The following KSR2 variants were observed in gnomAD, a reference collection of about 807,000 sequenced individuals.
The protein encoded by KSR2 is kinase suppressor of ras 2.
In KSR2, 25 loss-of-function variants were observed where a neutral mutation model predicts 107.8. The ratio of observed to expected loss-of-function variants is 0.23; its 90% CI spans 0.17 to 0.32. The LOEUF (loss-of-function observed/expected upper bound fraction) is 0.32. Among genes scored for constraint, KSR2 ranks in the 10% least tolerant of loss-of-function variants. The pLI is 1.00. For synonymous variants in KSR2, 480 were observed against 507.0 expected (o/e 0.95, Z 0.71); for missense variants, 887 against 1,268.9 (o/e 0.70, Z 4.57).
chr12:117,476,479 T>C lies in KSR2; in HGVS notation c.2567A>G (p.Asp856Gly). 1 of 1,602,972 alleles carries C rather than the reference T, an allele frequency of 6.2e-7. No homozygotes were observed. The highest frequency in any genetic ancestry group is 8.5e-7 in the Non-Finnish European group (1 of 1,174,844). The change falls in exon 17 of 20, where the codon GAC becomes GGC. Residue 856 changes from aspartate (D) to glycine (G), a missense_variant. Around this residue, in one of 8 missense-constraint regions of KSR2, gnomAD observed 308 missense variants for 506.2 expected, o/e 0.61. Transcript: ENST00000339824. The part of the protein sequence containing the change: ...EDKLPFSKHS[D>G]VFALGTIWYE... The stretch of plus-strand genomic sequence containing the variant: ...GCCCACTTACCCAAGGGCAAAGACG[T>C]CAGAGTGCTTGGAGAAGGGGAGCTT...
chr12:117,725,064 C>CCT (rs5801250), intron 4 of KSR2, among the ~76,000 whole-genome samples: 100 of 142,778 alleles, frequency 7.0e-4, no homozygotes, highest in East Asian at 2.3e-3. Flanking sequence ...GGCTTAATTC[C>CCT]CTCTCTCTCT....
At chr12:117,894,950 C>T (rs759150533) in intron 1 of KSR2, among the ~76,000 whole-genome samples, 4 of 151,888 alleles carry the variant, frequency 2.6e-5, no homozygotes, top group Admixed American at 6.6e-5. Context: ...ACTAATATCC[C>T]GGGCTTCGTG....
Position 117,561,747 on chromosome 12 carries a change from A to G in KSR2, c.1326-3174T>C, listed in dbSNP as rs115943508. The stretch of plus-strand genomic sequence containing the variant: ...CTTCACAAGGATAATCAAAATCCCA[A>G]GTTACTGTGACCTGGCTTTCTTTGT... On this transcript the variant is annotated intron_variant, in intron 7 of 19. Transcript: ENST00000339824. Among the ~76,000 whole-genome samples the G allele has an allele frequency of 8.8e-3, 1,346 of 152,310 alleles. 13 individuals carry two copies. Among genetic ancestry groups the G allele is most frequent in the African/African-American group, 0.031 (1,291 of 41,556 alleles).
intron 3 of KSR2, among the ~76,000 whole-genome samples, chr12:117,823,751 G>A (rs1358486894): frequency 6.6e-6 from 1 of 152,212 alleles, no homozygotes; most frequent in Admixed American, 6.5e-5. Context: ...AGGAGATCAA[G>A]TAAGAGAAGA....
chr12:117,753,549 A>C (rs564356867), intron 4 of KSR2, among the ~76,000 whole-genome samples: 12 of 152,320 alleles, frequency 7.9e-5, no homozygotes, highest in Admixed American at 7.8e-4. Context: ...ATCCTTGGCA[A>C]ACTAACACAG....
In KSR2 at chr12:117,905,918, C is replaced by CA. The variant is rs199936565; in HGVS notation, c.181-45488dup. 1.0e-3 allele frequency among the ~76,000 whole-genome samples: 148 copies of CA among 147,076 alleles called. No individual in the cohort carries two copies. In the East Asian group the frequency reaches 0.021, roughly 21 times the overall value. Reference sequence around the variant, plus strand: ...TAGGACGATAGTACATAATAATTAACAAAAAAAAATGATTATAGTAGTGAT... The same window carrying CA: ...TAGGACGATAGTACATAATAATTAACAAAAAAAAAATGATTATAGTAGTGAT... On this transcript the variant is annotated intron_variant, in intron 1 of 19. Coordinates refer to ENST00000339824, the MANE Select transcript of KSR2 (RefSeq NM_173598.6).
At chr12:117,690,448 C>T (rs555861694) in intron 4 of KSR2, among the ~76,000 whole-genome samples, 1 of 152,066 alleles carries the variant, frequency 6.6e-6, no homozygotes, top group South Asian at 2.1e-4. Flanking sequence ...GTCTGTAATC[C>T]CAGCTACTTA....
At chr12:117,855,774 C>T (rs1469282167) in intron 2 of KSR2, among the ~76,000 whole-genome samples, 196 bp from the exon 3 acceptor site, 1 of 152,164 alleles carries the variant, frequency 6.6e-6, no homozygotes, top group South Asian at 2.1e-4. Flanking sequence ...CTGGGCCTCA[C>T]TTTGCTCATC....
At chr12:117,803,980 CTA>C (rs768668695) in intron 3 of KSR2, among the ~76,000 whole-genome samples, 1 of 152,150 alleles carries the variant, frequency 6.6e-6, no homozygotes, top group Non-Finnish European at 1.5e-5. Context: ...GGTTAACAAA[CTA>C]TAGTCCATGG....
intron 1 of KSR2, among the ~76,000 whole-genome samples, chr12:117,942,751 T>C (rs1593390275): frequency 6.6e-6 from 1 of 151,932 alleles, no homozygotes; most frequent in East Asian, 1.9e-4. Flanking sequence ...CCTTCCGCCT[T>C]GGCCTTCCAA....
intron 1 of KSR2, among the ~76,000 whole-genome samples, chr12:117,869,014 A>G (rs1417293551): frequency 6.6e-6 from 1 of 151,270 alleles, no homozygotes. Context: ...CGGCCTCCCA[A>G]AGTGCTGGCA....
chr12:117,905,043 G>A (rs1894796251), intron 1 of KSR2, among the ~76,000 whole-genome samples: 1 of 152,032 alleles, frequency 6.6e-6, no homozygotes, highest in Admixed American at 6.6e-5. Context: ...TTAGCCAGGC[G>A]TGGTGGTGTG....
At chr12:117,492,376 GC>G (rs1326739256) in intron 14 of KSR2, among the ~76,000 whole-genome samples, 1 of 150,452 alleles carries the variant, frequency 6.6e-6, no homozygotes, top group African/African-American at 2.5e-5. Context: ...GCCTGTGGCA[GC>G]CATGTCCTTT....
chr12:117,667,717 A>C, intron 4 of KSR2, 59 bp from the exon 5 acceptor site: 1 of 1,401,250 alleles, frequency 7.1e-7, no homozygotes, highest in South Asian at 1.5e-5. Context: ...ACAAAGTTAC[A>C]GCAGGGAGGC....
chr12:117,522,282 G>C (rs961411040), intron 14 of KSR2, among the ~76,000 whole-genome samples: 4 of 152,270 alleles, frequency 2.6e-5, no homozygotes, highest in African/African-American at 9.6e-5. Context: ...CTTTGAGAAG[G>C]GGGTGAGGGA....
chr12:117,727,285 C>T (rs533741046), intron 4 of KSR2, among the ~76,000 whole-genome samples: 9 of 151,594 alleles, frequency 5.9e-5, no homozygotes, highest in East Asian at 3.9e-4. Context: ...TGAGGCGGGA[C>T]GATCACTTGA....
In KSR2 at chr12:117,667,324, C is replaced by A. The variant is rs903956615; in HGVS notation, c.1171+150G>T. ...CATAGGCAGATGGGGGGGCTGTGGGCAGATGATGGGTGAAGCTCTACAGTG... is the reference window on the plus strand; with the variant it reads ...CATAGGCAGATGGGGGGGCTGTGGGAAGATGATGGGTGAAGCTCTACAGTG... On this transcript the variant is annotated intron_variant, in intron 5 of 19. Coordinates refer to ENST00000339824, the MANE Select transcript of KSR2 (RefSeq NM_173598.6). 4.9e-5 allele frequency: 37 copies of A among 760,540 alleles called. No homozygotes were observed. The African/African-American group carries it at 4.9e-4, about 10-fold the overall frequency. The allele number at this position is 760,540 out of a possible 1,614,324, so 47.1% of individuals were successfully genotyped here. A position where few individuals can be genotyped will look rare whatever the true frequency, so the allele number is the denominator to read the frequency against.
intron 6 of KSR2, among the ~76,000 whole-genome samples, chr12:117,581,344 G>C (rs1183146670): frequency 6.6e-6 from 1 of 152,122 alleles, no homozygotes; most frequent in Non-Finnish European, 1.5e-5. Flanking sequence ...CAAGGGAACA[G>C]GCCTTATGTC....
chr12:117,531,785 C>A (rs1875654060), intron 10 of KSR2, 78 bp from the exon 11 acceptor site: 1 of 1,045,806 alleles, frequency 9.6e-7, no homozygotes, highest in South Asian at 1.5e-5. Context: ...GCTCTTACAG[C>A]CACCACATGG....
Sources: gnomAD v4.1 joint callset for allele counts (sites outside exome capture counted in the v4.1 genomes callset) on GRCh38, gnomAD v4.1.1 for gene constraint, gnomAD v4.1.1 regional missense constraint, MANE v1.5 for transcripts, NCBI Gene and HGNC (gene_info 2026-07-23, HGNC 2026-07-21) for gene names.